Variants in SYT16 observed in about 807,000 individuals in gnomAD.
SYT16 encodes synaptotagmin-16.
SYT16 carries 42 observed loss-of-function variants against 61.4 expected under a neutral mutation model. The observed-to-expected ratio is 0.68, with a 90% CI of 0.53 to 0.89. The LOEUF is 0.89. SYT16 is among the 40% of genes least tolerant of loss of function. SYT16 has a pLI of 0.00. For missense variants in SYT16, 804 were observed against 807.3 expected, an observed-to-expected ratio of 1.00 and a Z score of 0.05; for synonymous variants, 314 against 302.3, an observed-to-expected ratio of 1.04 and a Z score of -0.40.
At chr14:61,842,081 G>A (rs1305574198) in intron 1 of SYT16, among the ~76,000 whole-genome samples, 1 of 151,698 alleles carries the variant, frequency 6.6e-6, no homozygotes, top group Non-Finnish European at 1.5e-5. Context: ...ATATTTGTGG[G>A]GTACATGAGA....
rs1034363559 is a variant in SYT16 at position 62,105,690 on chromosome 14, G to A, written c.*4983G>A. 3 of 152,228 alleles carry A rather than the reference G, an allele frequency of 2.0e-5. No homozygotes were observed. The highest frequency in any genetic ancestry group is 4.4e-5 in the Non-Finnish European group (3 of 68,036). 9.4% of individuals were successfully genotyped at this position (152,228 alleles called of 1,614,324 possible). A position where few individuals can be genotyped will look rare whatever the true frequency, so the allele number is the denominator to read the frequency against. ...AGGAGAGTTTCTGGAGAATTTAGAAGAATCTTTGTTGACATTTAATCTAGA... is the reference window on the plus strand; with the variant it reads ...AGGAGAGTTTCTGGAGAATTTAGAAAAATCTTTGTTGACATTTAATCTAGA... On this transcript the variant is annotated 3_prime_UTR_variant, in exon 8 of 8. Transcript: ENST00000683842.
In SYT16 at chr14:62,108,435, A is replaced by T. The variant is rs2057549520; in HGVS notation, c.*7728A>T. ...TAAAAACTCTGATTAAGTGAGGAAC[A>T]TGTACATTAAAAGATATTTTCATGT... On this transcript the variant is annotated 3_prime_UTR_variant, in exon 8 of 8. Transcript: ENST00000683842. 1 of 152,228 alleles carries T rather than the reference A, an allele frequency of 6.6e-6. No homozygotes were observed. Among genetic ancestry groups the T allele is most frequent in the African/African-American group, 2.4e-5 (1 of 41,464 alleles). The allele number at this position is 152,228 out of a possible 1,614,324, so 9.4% of individuals were successfully genotyped here. A position where few individuals can be genotyped will look rare whatever the true frequency, so the allele number is the denominator to read the frequency against.
At chr14:61,820,903 A>C (rs1480107388) in intron 1 of SYT16, among the ~76,000 whole-genome samples, 6 of 152,152 alleles carry the variant, frequency 3.9e-5, no homozygotes, top group African/African-American at 1.4e-4. Flanking sequence ...TGCTGACCTT[A>C]GCCATCCAGC....
At chr14:61,872,083 C>A (rs182426057) in intron 1 of SYT16, among the ~76,000 whole-genome samples, 1 of 152,196 alleles carries the variant, frequency 6.6e-6, no homozygotes, top group East Asian at 1.9e-4. Flanking sequence ...TCAATAGTTT[C>A]AATTACACTA....
At chr14:61,818,497 G>A (rs1013301231) in intron 1 of SYT16, among the ~76,000 whole-genome samples, 1 of 152,060 alleles carries the variant, frequency 6.6e-6, no homozygotes, top group Non-Finnish European at 1.5e-5. Flanking sequence ...GATCAACATG[G>A]TGAAACCCCA....
intron 4 of SYT16, among the ~76,000 whole-genome samples, chr14:62,071,211 C>A (rs575442972): frequency 6.6e-6 from 1 of 152,190 alleles, no homozygotes; most frequent in Non-Finnish European, 1.5e-5. Context: ...TACATCACAG[C>A]ATTCCTTTCT....
chr14:61,942,436 T>C (rs2050245339), intron 1 of SYT16, among the ~76,000 whole-genome samples: 1 of 152,224 alleles, frequency 6.6e-6, no homozygotes, highest in African/African-American at 2.4e-5. Flanking sequence ...TCACTCTCTT[T>C]AGTAAAAATA....
intron 1 of SYT16, among the ~76,000 whole-genome samples, chr14:61,940,143 G>T (rs1021124631): frequency 6.6e-6 from 1 of 152,110 alleles, no homozygotes; most frequent in African/African-American, 2.4e-5. Context: ...GCATTAAGTT[G>T]CAACTACATA....
chr14:61,971,563 A>G (rs1172794766), intron 2 of SYT16, among the ~76,000 whole-genome samples: 1 of 152,230 alleles, frequency 6.6e-6, no homozygotes, highest in African/African-American at 2.4e-5. Flanking sequence ...TTTATGCCCT[A>G]GCATGGGAAG....
intron 1 of SYT16, among the ~76,000 whole-genome samples, chr14:61,879,433 A>G (rs183085391): frequency 5.1e-4 from 77 of 152,262 alleles, no homozygotes; most frequent in African/African-American, 1.8e-3. Context: ...CTCTCTTAGC[A>G]CTTTTGACAA....
intron 1 of SYT16, among the ~76,000 whole-genome samples, chr14:61,845,710 C>CTTATT (rs1254735483): frequency 6.6e-6 from 1 of 151,926 alleles, no homozygotes; most frequent in Non-Finnish European, 1.5e-5. Context: ...TATTTCTTTT[C>CTTATT]TTCTACTAAT....
chr14:61,864,887 A>G, intron 1 of SYT16: 1 of 1,229,622 alleles, frequency 8.1e-7, no homozygotes, highest in South Asian at 1.3e-5. Flanking sequence ...GACAGTGACC[A>G]ACTGCGCGGA....
At chr14:61,990,214 G>A (rs931631127) in intron 2 of SYT16, among the ~76,000 whole-genome samples, 3 of 152,028 alleles carry the variant, frequency 2.0e-5, no homozygotes, top group Non-Finnish European at 2.9e-5. Flanking sequence ...TTTATACCAG[G>A]TCTATGCAAA....
intron 3 of SYT16, among the ~76,000 whole-genome samples, chr14:62,024,873 T>C (rs1229193643): frequency 6.6e-6 from 1 of 152,106 alleles, no homozygotes; most frequent in Non-Finnish European, 1.5e-5. Flanking sequence ...TGTTATATAG[T>C]TGGACTTATA....
At chr14:62,074,026 C>A (rs1013617986) in intron 4 of SYT16, among the ~76,000 whole-genome samples, 6 of 152,164 alleles carry the variant, frequency 3.9e-5, no homozygotes, top group African/African-American at 1.4e-4. Context: ...ACGCCCTTGT[C>A]CTGTCTACAT....
At chr14:61,838,122 G>T (rs2046190124) in intron 1 of SYT16, among the ~76,000 whole-genome samples, 1 of 152,164 alleles carries the variant, frequency 6.6e-6, no homozygotes. Flanking sequence ...CCTGGGGATT[G>T]GAGTGAGCAT....
chr14:61,974,527 G>T lies in SYT16; in HGVS notation c.-145+4216G>T, dbSNP rs551162900. 6.6e-5 allele frequency among the ~76,000 whole-genome samples: 10 copies of T among 152,284 alleles called. 1 individual carries two copies. In the South Asian group the frequency reaches 2.1e-3, roughly 32 times the overall value. The stretch of plus-strand genomic sequence containing the variant: ...CCAAGAGGTACTCCTGCTGTGGAAT[G>T]CTGTAAGGCAGAGGTTGATTCTCCT... On this transcript the variant is annotated intron_variant, in intron 2 of 7. Transcript: ENST00000683842.
At position 62,024,474 on chromosome 14, in the gene SYT16, T is replaced by C. The variant is rs181569410; in HGVS notation, c.523+27932T>C. On this transcript the variant is annotated intron_variant, in intron 3 of 7. Transcript: ENST00000683842. ...AAATTATGGAAAACAGATAGCTTTT[T>C]AGTTAATAGACTTTCTAGAGCAGTT... is the stretch of plus-strand genomic sequence containing the variant. Among the ~76,000 whole-genome samples the C allele has an allele frequency of 3.6e-3, 546 of 152,224 alleles. 2 individuals are homozygous for C. The highest frequency in any genetic ancestry group is 0.017 in the Middle Eastern group (5 of 294).
chr14:61,900,910 C>G (rs1350803710), intron 1 of SYT16, among the ~76,000 whole-genome samples: 1 of 152,190 alleles, frequency 6.6e-6, no homozygotes, highest in East Asian at 1.9e-4. Context: ...GGGCTTCTTA[C>G]CAAAAGAAGG....
Sources: allele counts gnomAD v4.1 joint callset (sites outside exome capture counted in the v4.1 genomes callset), GRCh38; gene constraint gnomAD v4.1.1; transcripts MANE v1.5; gene names NCBI Gene and HGNC (gene_info 2026-07-23, HGNC 2026-07-21).